The following CSMD1 variants were observed in gnomAD, a reference collection of about 807,000 sequenced individuals.
CSMD1 encodes CUB and sushi domain-containing protein 1.
In CSMD1, 213 loss-of-function variants were observed where a neutral mutation model predicts 417.5. The ratio of observed to expected loss-of-function variants is 0.51; its 90% CI spans 0.46 to 0.57. The LOEUF is 0.57. Ranked by LOEUF, CSMD1 falls within the 20% of genes least tolerant of loss-of-function variation. The pLI is 0.00. For missense variants in CSMD1, 6,923 were observed against 4,529.7 expected, an observed-to-expected ratio of 1.53 and a Z score of -15.17; for synonymous variants, 2,862 against 1,736.8, an observed-to-expected ratio of 1.65 and a Z score of -16.11.
At chr8:4,905,693 G>C (rs987810466) in intron 1 of CSMD1, among the ~76,000 whole-genome samples, 1 of 149,898 alleles carries the variant, frequency 6.7e-6, no homozygotes, top group African/African-American at 2.4e-5. Context: ...GGTGGCGGGC[G>C]CCTGTAGTCC....
At chr8:3,410,981 C>G (rs950287940) in intron 12 of CSMD1, among the ~76,000 whole-genome samples, 1 of 152,074 alleles carries the variant, frequency 6.6e-6, no homozygotes, top group African/African-American at 2.4e-5. Flanking sequence ...ATCAGCCCTT[C>G]GAAAAGGAGA....
intron 3 of CSMD1, among the ~76,000 whole-genome samples, chr8:4,258,740 GGACACAGACATTT>G (rs1220599584): frequency 1.3e-5 from 2 of 151,964 alleles, no homozygotes; most frequent in Non-Finnish European, 2.9e-5. Flanking sequence ...CAATGTATGA[GGACACAGACATTT>G]AGTCCTTAAC....
intron 38 of CSMD1, among the ~76,000 whole-genome samples, chr8:3,158,554 C>T (rs1819679821): frequency 6.6e-6 from 1 of 152,036 alleles, no homozygotes; most frequent in Non-Finnish European, 1.5e-5. Context: ...TGAAATTAAC[C>T]CTCATCACTC....
chr8:3,968,004 T>TAAAAAAAAAAAAAAAAAAAAAAA (rs11330461), intron 5 of CSMD1, among the ~76,000 whole-genome samples: 4 of 98,886 alleles, frequency 4.0e-5, no homozygotes, highest in African/African-American at 1.7e-4. Context: ...CGTCACTGCT[T>TAAAAAAAAAAAAAAAAAAAAAAA]AAAAAAAAAA....
chr8:4,512,419 G>C (rs890416844), intron 2 of CSMD1, among the ~76,000 whole-genome samples: 1 of 152,058 alleles, frequency 6.6e-6, no homozygotes, highest in African/African-American at 2.4e-5. Flanking sequence ...TTCCAACATC[G>C]TAGCTAATGC....
intron 6 of CSMD1, among the ~76,000 whole-genome samples, chr8:3,729,051 G>A (rs371800441): frequency 6.6e-6 from 1 of 152,200 alleles, no homozygotes; most frequent in Non-Finnish European, 1.5e-5. Context: ...CTAATCCAAA[G>A]TCTGGCCGTA....
At chr8:3,730,449 C>G (rs4602915) in intron 6 of CSMD1, among the ~76,000 whole-genome samples, 87,508 of 148,316 alleles carry the variant, frequency 0.59, 29,205 homozygotes, top group Non-Finnish European at 0.74. Context: ...AGAGCAAAGA[C>G]TGCTGTCTAA....
intron 49 of CSMD1, among the ~76,000 whole-genome samples, chr8:3,065,013 C>A (rs1238303848): frequency 6.6e-6 from 1 of 152,086 alleles, no homozygotes; most frequent in Non-Finnish European, 1.5e-5. Context: ...TTTGCCCATG[C>A]TTCCTTCTCC....
rs146503355 is a variant in CSMD1 at position 4,632,279 on chromosome 8, G to A, written c.302+5063C>T. On this transcript the variant is annotated intron_variant, in intron 2 of 69. Transcript: ENST00000635120. ...ATATCTTCCAGCACTTTGGGAGGCCGAGGTGGGCAGATCACCTGAGGTCAG... is the reference window on the plus strand; with the variant it reads ...ATATCTTCCAGCACTTTGGGAGGCCAAGGTGGGCAGATCACCTGAGGTCAG... Among the ~76,000 whole-genome samples the A allele has an allele frequency of 1.8e-3, 271 of 152,216 alleles. 3 individuals carry two copies. The East Asian group carries it at 0.038, about 21-fold the overall frequency.
chr8:4,660,469 T>C (rs1306164882), intron 1 of CSMD1, among the ~76,000 whole-genome samples: 2 of 152,096 alleles, frequency 1.3e-5, no homozygotes, highest in Non-Finnish European at 2.9e-5. Flanking sequence ...CACAGGTTTA[T>C]TGCAATTCCA....
intron 1 of CSMD1, among the ~76,000 whole-genome samples, chr8:4,747,763 G>C (rs1811049547): frequency 6.6e-6 from 1 of 152,134 alleles, no homozygotes; most frequent in African/African-American, 2.4e-5. Flanking sequence ...ATCGAATACT[G>C]TGTAAAGCCT....
intron 3 of CSMD1, among the ~76,000 whole-genome samples, chr8:4,388,110 T>C (rs778796801): frequency 4.8e-4 from 73 of 152,160 alleles, no homozygotes; most frequent in Non-Finnish European, 8.2e-4. Context: ...TACAGCTGTC[T>C]CTGCCCAGCT....
At chr8:3,379,276 T>A (rs1275256286) in intron 18 of CSMD1, among the ~76,000 whole-genome samples, 3 of 152,188 alleles carry the variant, frequency 2.0e-5, no homozygotes, top group African/African-American at 7.2e-5. Context: ...AAACATTCCA[T>A]GCTCATGGAT....
chr8:4,303,203 C>T (rs1333839891), intron 3 of CSMD1, among the ~76,000 whole-genome samples: 1 of 152,034 alleles, frequency 6.6e-6, no homozygotes, highest in Non-Finnish European at 1.5e-5. Flanking sequence ...CTGAGAATAA[C>T]ATCTGTTAAC....
chr8:3,771,084 G>A (rs763573521), intron 5 of CSMD1, among the ~76,000 whole-genome samples: 5 of 151,838 alleles, frequency 3.3e-5, no homozygotes, highest in Non-Finnish European at 7.4e-5. Flanking sequence ...TAGTCTTGGG[G>A]GTATTGTATT....
rs576824368 is a variant in CSMD1, at chr8:4,759,597, T to G, written c.86-122039A>C. ...TCCCCCTGTCAGGTCCCCATGTGTGTTGTTCCCCTCCCTACGTCCATGTGT... is the reference window on the plus strand; with the variant it reads ...TCCCCCTGTCAGGTCCCCATGTGTGGTGTTCCCCTCCCTACGTCCATGTGT... On this transcript the variant is annotated intron_variant, in intron 1 of 69. Transcript: ENST00000635120. 2.0e-5 allele frequency among the ~76,000 whole-genome samples: 3 copies of G among 152,184 alleles called. No individual in the cohort carries two copies. In the South Asian group the frequency reaches 6.2e-4, roughly 32 times the overall value.
At chr8:4,980,978 T>C (rs766535506) in intron 1 of CSMD1, among the ~76,000 whole-genome samples, 9 of 152,164 alleles carry the variant, frequency 5.9e-5, no homozygotes, top group Admixed American at 2.6e-4. Context: ...GTCCTTTTCT[T>C]CAATTTTTTT....
At chr8:4,874,323 G>C (rs183982497) in intron 1 of CSMD1, among the ~76,000 whole-genome samples, 1 of 151,208 alleles carries the variant, frequency 6.6e-6, no homozygotes, top group Non-Finnish European at 1.5e-5. Context: ...ATTTTAATTT[G>C]CAGTACTTAT....
chr8:4,611,132 T>G (rs1372723849), intron 2 of CSMD1, among the ~76,000 whole-genome samples: 4 of 152,170 alleles, frequency 2.6e-5, no homozygotes, highest in Non-Finnish European at 5.9e-5. Context: ...TGGCTGTTAC[T>G]GTTTAGTAAT....
Sources: gnomAD v4.1 joint callset for allele counts (sites outside exome capture counted in the v4.1 genomes callset) on GRCh38, gnomAD v4.1.1 for gene constraint, MANE v1.5 for transcripts, NCBI Gene and HGNC (gene_info 2026-07-23, HGNC 2026-07-21) for gene names.